The following CASD1 variants were observed in gnomAD, a reference collection of about 807,000 sequenced individuals.
CASD1 encodes the protein CAS1 domain sialic acid O acetyltransferase 1, also known as N-acetylneuraminate (7)9-O-acetyltransferase.
CASD1 carries 41 observed loss-of-function variants against 100.0 expected under a neutral mutation model. The observed-to-expected ratio is 0.41, with a 90% CI of 0.32 to 0.53. The LOEUF (loss-of-function observed/expected upper bound fraction) is 0.53, where lower values mean the gene tolerates loss of function less well. CASD1 is among the 20% of genes least tolerant of loss of function. The pLI, the probability that CASD1 is intolerant of heterozygous loss-of-function variation, is 0.25. For synonymous variants in CASD1, 321 were observed against 315.6 expected (o/e 1.02, Z -0.18); for missense variants, 774 against 948.7 (o/e 0.82, Z 2.42).
chr7:94,535,236 T>C, intron 7 of CASD1, 73 bp from the exon 8 acceptor site: 1 of 1,087,500 alleles, frequency 9.2e-7, no homozygotes, highest in Non-Finnish European at 1.4e-6. Flanking sequence ...GTGGAACAGC[T>C]AACTTGCATG....
At chr7:94,588,412 AC>A in the CASD1 span, 12 of 1,226,790 alleles carry the variant, frequency 9.8e-6, no homozygotes, top group Non-Finnish European at 1.2e-5. Context: ...AGGGAACTTC[AC>A]TGAAGGAAAG....
intron 1 of CASD1, among the ~76,000 whole-genome samples, chr7:94,510,535 G>T (rs1014484765): frequency 2.0e-5 from 3 of 152,206 alleles, no homozygotes; most frequent in African/African-American, 7.2e-5. Flanking sequence ...TGGGTTCGGG[G>T]AGACGCTCCA....
the CASD1 span, chr7:94,627,034 A>G: frequency 6.6e-6 from 1 of 152,070 alleles, no homozygotes; most frequent in Non-Finnish European, 1.5e-5. Context: ...ATTTAAAAAA[A>G]TTAATTTGAC....
chr7:94,559,276 C>CTGTGTGTGTGTG (rs377655712), downstream of CASD1, among the ~76,000 whole-genome samples: 2,314 of 137,520 alleles, frequency 0.017, 57 homozygotes, highest in African/African-American at 0.05. Context: ...GTATATATGT[C>CTGTGTGTGTGTG]TGTGTGTGTG....
chr7:94,528,384 G>C, intron 5 of CASD1, 134 bp downstream of exon 5: 1 of 578,232 alleles, frequency 1.7e-6, no homozygotes, highest in Non-Finnish European at 2.9e-6. Flanking sequence ...CAACTAAACT[G>C]TGCTGGACTG....
In CASD1 at chr7:94,555,747, T is replaced by A; in HGVS notation, c.2383T>A (p.Ser795Thr). 1 of 1,611,458 alleles carries A rather than the reference T, an allele frequency of 6.2e-7. No individual in the cohort carries two copies. The highest frequency in any genetic ancestry group is 8.5e-7 in the Non-Finnish European group (1 of 1,178,962). ...CATCTTATCATCCATTCAAGATAAA[T>A]CAAAACATTAGGTTCCAAAAATTCT... ...LLILSSIQDK[S>T]KH The change falls in exon 18 of 18, where the codon TCA becomes ACA. Residue 795 changes from serine (S) to threonine (T), a missense_variant. Transcript: ENST00000297273.
At chr7:94,519,578 A>G (rs1045996471) in intron 3 of CASD1, among the ~76,000 whole-genome samples, 8 of 152,238 alleles carry the variant, frequency 5.3e-5, no homozygotes, top group Non-Finnish European at 8.8e-5. Flanking sequence ...TTGCATTTAT[A>G]CATATGAAAT....
the CASD1 span, chr7:94,618,978 A>G: frequency 6.6e-7 from 1 of 1,511,314 alleles, no homozygotes; most frequent in Non-Finnish European, 9.2e-7. Context: ...GAAAAAGGGC[A>G]TGCATATCTT....
chr7:94,595,795 G>A, the CASD1 span, among the ~76,000 whole-genome samples: 1 of 152,012 alleles, frequency 6.6e-6, no homozygotes, highest in Non-Finnish European at 1.5e-5. Flanking sequence ...GGAAAATGAG[G>A]TTAATCACAT....
the CASD1 span, among the ~76,000 whole-genome samples, chr7:94,591,691 A>G: frequency 1.4e-4 from 21 of 152,112 alleles, no homozygotes; most frequent in Non-Finnish European, 2.9e-4. Context: ...ACCACTGATC[A>G]AAGTCAACCT....
At chr7:94,579,181 G>A in the CASD1 span, among the ~76,000 whole-genome samples, 1 of 149,478 alleles carries the variant, frequency 6.7e-6, no homozygotes, top group Non-Finnish European at 1.5e-5. Context: ...ATGAATGAAA[G>A]GGCCCTGATA....
rs1271020749 is a variant in CASD1, at chr7:94,510,091, G to A, written c.7G>A (p.Ala3Thr). ...TTGTCATGGAGGAACCAAGATGGCG[G>A]CTCTGGCCTACAACCTGGGCAAGCG... MA[A>T]LAYNLGKREI... The change falls in exon 1 of 18, where the codon GCT (alanine) becomes ACT (threonine). Residue 3 changes from alanine to threonine, a missense_variant. Ala to Thr is a moderately conservative substitution (Grantham distance 58). Transcript: ENST00000297273. 4 of 1,522,838 alleles carry A rather than the reference G, an allele frequency of 2.6e-6. No individual in the cohort carries two copies. Among genetic ancestry groups the A allele is most frequent in the Admixed American group, 4.2e-5 (2 of 48,188 alleles). The allele number at this position is 1,522,838 out of a possible 1,614,324, so 94.3% of individuals were successfully genotyped here.
the CASD1 span, chr7:94,599,620 C>G: frequency 2.8e-6 from 3 of 1,088,582 alleles, no homozygotes; most frequent in African/African-American, 4.7e-5. Context: ...AAGCTTGACA[C>G]ACATGTATGG....
the CASD1 span, among the ~76,000 whole-genome samples, chr7:94,575,270 G>T: frequency 6.6e-6 from 1 of 152,080 alleles, no homozygotes; most frequent in Non-Finnish European, 1.5e-5. Context: ...TATTTTCAAA[G>T]AATTTCTTGA....
chr7:94,588,988 G>A, the CASD1 span: 45 of 489,610 alleles, frequency 9.2e-5, no homozygotes, highest in Middle Eastern at 1.1e-3. Context: ...ACAACCCTAA[G>A]AGGTAGGTGT....
the CASD1 span, among the ~76,000 whole-genome samples, chr7:94,563,688 C>T: frequency 3.3e-5 from 5 of 152,146 alleles, no homozygotes; most frequent in East Asian, 5.8e-4. Context: ...CCCACGCCCC[C>T]GCTGAAAGCT....
the CASD1 span, among the ~76,000 whole-genome samples, chr7:94,579,069 A>T: frequency 6.6e-6 from 1 of 152,118 alleles, no homozygotes; most frequent in African/African-American, 2.4e-5. Context: ...CAGATAGTGT[A>T]CTAGACTTCG....
the CASD1 span, among the ~76,000 whole-genome samples, chr7:94,612,653 T>C: frequency 1.3e-5 from 2 of 152,090 alleles, no homozygotes; most frequent in African/African-American, 4.8e-5. Context: ...AAAAGAGAGG[T>C]CTAGAAGTGG....
chr7:94,618,896 A>G, the CASD1 span: 1 of 1,614,054 alleles, frequency 6.2e-7, no homozygotes, highest in African/African-American at 1.3e-5. Context: ...CTCACTGGCC[A>G]ACATTTCTTC....
Sources: allele counts gnomAD v4.1 joint callset (sites outside exome capture counted in the v4.1 genomes callset), GRCh38; gene constraint gnomAD v4.1.1; transcripts MANE v1.5; gene names NCBI Gene and HGNC (gene_info 2026-07-23, HGNC 2026-07-21).